The following TBCK variants were observed in gnomAD, a reference collection of about 807,000 sequenced individuals.
The protein encoded by TBCK is TBC domain-containing protein kinase-like protein.
Under a neutral mutation model 113.4 loss-of-function variants are expected in TBCK, and 99 were observed. The ratio of observed to expected loss-of-function variants is 0.87; its 90% CI spans 0.74 to 1.03. The LOEUF is 1.03. Ranked by LOEUF, TBCK falls within the 50% of genes least tolerant of loss-of-function variation. The pLI is 0.00. For synonymous variants in TBCK, 369 were observed against 370.8 expected, an observed-to-expected ratio of 1.00 and a Z score of 0.05; for missense variants, 1,045 against 1,061.3, an observed-to-expected ratio of 0.98 and a Z score of 0.21.
chr4:106,229,937 G>C (rs564064298), intron 19 of TBCK, among the ~76,000 whole-genome samples: 1 of 152,076 alleles, frequency 6.6e-6, no homozygotes, highest in East Asian at 1.9e-4. Context: ...GTTGAAGAAA[G>C]AGGGAGTATA....
At chr4:106,109,978 G>A (rs1742650102) in intron 24 of TBCK, among the ~76,000 whole-genome samples, 1 of 151,870 alleles carries the variant, frequency 6.6e-6, no homozygotes, top group South Asian at 2.1e-4. Flanking sequence ...GAGAGCGAAG[G>A]TTACATAACA....
At chr4:106,302,597 T>C (rs1376839264) in intron 2 of TBCK, among the ~76,000 whole-genome samples, 1 of 151,800 alleles carries the variant, frequency 6.6e-6, no homozygotes, top group Non-Finnish European at 1.5e-5. Context: ...CCAGATACAG[T>C]GGGAATAAAC....
chr4:106,093,744 G>A (rs1244664476), intron 25 of TBCK, among the ~76,000 whole-genome samples: 1 of 151,990 alleles, frequency 6.6e-6, no homozygotes, highest in South Asian at 2.1e-4. Context: ...TTAGTACCTC[G>A]GTGATAAAAT....
chr4:106,308,731 A>T, intron 2 of TBCK, 37 bp downstream of exon 2: 1 of 1,562,518 alleles, frequency 6.4e-7, no homozygotes, highest in Non-Finnish European at 8.7e-7. Flanking sequence ...GTAACAAAGT[A>T]GAGAACATAA....
intron 19 of TBCK, among the ~76,000 whole-genome samples, chr4:106,223,438 T>A (rs370915995): frequency 6.6e-6 from 1 of 152,154 alleles, no homozygotes; most frequent in African/African-American, 2.4e-5. Flanking sequence ...AGAGTCCCAG[T>A]TGGCATCTGT....
In TBCK at chr4:106,197,405, G is replaced by A. The variant is rs1290321005; in HGVS notation, c.1861-2651C>T. Among the ~76,000 whole-genome samples, 421 of 105,728 alleles carry A rather than the reference G, an allele frequency of 4.0e-3. 1 individual carries two copies. Among genetic ancestry groups the A allele is most frequent in the African/African-American group, 0.012 (404 of 34,124 alleles). The allele number at this position is 105,728 out of a possible 152,430, so 69.4% of individuals were successfully genotyped here. On this transcript the variant is annotated intron_variant, in intron 20 of 25. Coordinates refer to ENST00000394708, the MANE Select transcript of TBCK (RefSeq NM_001163435.3). ...TATCTGAGTGTGTGTGTGTGTGTGT[G>A]TGTGTGTATATATATATATATATAT...
chr4:106,280,951 T>G (rs1446199319), intron 3 of TBCK, among the ~76,000 whole-genome samples: 1 of 152,144 alleles, frequency 6.6e-6, no homozygotes, highest in Non-Finnish European at 1.5e-5. Flanking sequence ...TTTTTTCTAT[T>G]TCTGTAAAGA....
intron 19 of TBCK, among the ~76,000 whole-genome samples, chr4:106,216,141 A>G (rs1756883329): frequency 6.6e-6 from 1 of 152,154 alleles, no homozygotes; most frequent in African/African-American, 2.4e-5. Context: ...AAATGAAGGC[A>G]GAAATAAAGA....
intron 23 of TBCK, among the ~76,000 whole-genome samples, chr4:106,120,483 C>G (rs1261512321): frequency 2.0e-5 from 3 of 152,190 alleles, no homozygotes; most frequent in Non-Finnish European, 2.9e-5. Context: ...GGAGGCCTGC[C>G]TGCCTCTGTA....
At chr4:106,194,298 T>C (rs548998542) in intron 21 of TBCK, among the ~76,000 whole-genome samples, 2 of 152,194 alleles carry the variant, frequency 1.3e-5, no homozygotes, top group South Asian at 4.1e-4. Context: ...GTCCACTTTA[T>C]TAATATTTGT....
chr4:106,118,510 GT>G (rs775436857), intron 23 of TBCK, among the ~76,000 whole-genome samples: 18 of 152,130 alleles, frequency 1.2e-4, no homozygotes, highest in Non-Finnish European at 2.5e-4. Flanking sequence ...AGATTAAAGG[GT>G]TTTGAAATCA....
At chr4:106,132,378 G>C (rs1746052017) in intron 23 of TBCK, among the ~76,000 whole-genome samples, 1 of 152,252 alleles carries the variant, frequency 6.6e-6, no homozygotes, top group African/African-American at 2.4e-5. Context: ...GCTTCAGGGG[G>C]TGCAAGCCCC....
intron 22 of TBCK, among the ~76,000 whole-genome samples, chr4:106,192,583 G>A (rs1753780427): frequency 6.6e-6 from 1 of 151,992 alleles, no homozygotes; most frequent in South Asian, 2.1e-4. Context: ...CAATTTTGAG[G>A]GAAGGGGGAA....
At chr4:106,222,321 ATATT>A in intron 19 of TBCK, among the ~76,000 whole-genome samples, 3 of 152,200 alleles carry the variant, frequency 2.0e-5, no homozygotes, top group Admixed American at 2.0e-4. Flanking sequence ...CTTGTTATAT[ATATT>A]AACATGACAA....
At chr4:106,247,078 A>G (rs1389382335) in intron 10 of TBCK, 61 bp downstream of exon 10, 9 of 1,519,544 alleles carry the variant, frequency 5.9e-6, no homozygotes, top group Non-Finnish European at 8.0e-6. Flanking sequence ...TGAAAGTAGG[A>G]CAAGGAAACT....
At chr4:106,163,974 T>C (rs1052754390) in intron 23 of TBCK, among the ~76,000 whole-genome samples, 8 of 152,156 alleles carry the variant, frequency 5.3e-5, no homozygotes, top group African/African-American at 1.9e-4. Flanking sequence ...TATTTTCTTA[T>C]GTTGGATTAT....
intron 20 of TBCK, among the ~76,000 whole-genome samples, chr4:106,210,201 G>T (rs964666860): frequency 2.0e-5 from 3 of 151,978 alleles, no homozygotes; most frequent in Non-Finnish European, 2.9e-5. Context: ...AGAAGAAAAA[G>T]ACAGGCTCTC....
intron 2 of TBCK, among the ~76,000 whole-genome samples, chr4:106,305,517 A>AT (rs1247144349): frequency 6.6e-6 from 1 of 151,774 alleles, no homozygotes; most frequent in Non-Finnish European, 1.5e-5. Context: ...ATATATATAT[A>AT]TTTTTTATTA....
chr4:106,248,860 C>A, intron 8 of TBCK, 61 bp downstream of exon 8: 1 of 1,342,742 alleles, frequency 7.4e-7, no homozygotes, highest in Non-Finnish European at 1.0e-6. Flanking sequence ...TATAAGTTAC[C>A]CAATATCAGG....
Sources: allele counts gnomAD v4.1 joint callset (sites outside exome capture counted in the v4.1 genomes callset), GRCh38; gene constraint gnomAD v4.1.1; transcripts MANE v1.5; gene names NCBI Gene and HGNC (gene_info 2026-07-23, HGNC 2026-07-21).